Variants in SGCZ observed in about 807,000 individuals in gnomAD.
SGCZ encodes sarcoglycan zeta, also known as zeta-sarcoglycan.
Under a neutral mutation model 41.3 loss-of-function variants are expected in SGCZ, and 40 were observed. The ratio of observed to expected loss-of-function variants is 0.97; its 90% confidence interval spans 0.75 to 1.26. SGCZ has a LOEUF of 1.26. Ranked by LOEUF, SGCZ falls within the 50% of genes most tolerant of loss-of-function variation. The pLI is 0.00. For missense variants in SGCZ, 552 were observed against 369.8 expected (o/e 1.49, Z -4.04); for synonymous variants, 206 against 137.5 (o/e 1.50, Z -3.49).
chr8:14,103,986 G>A (rs867448852), intron 6 of SGCZ, among the ~76,000 whole-genome samples: 1 of 152,122 alleles, frequency 6.6e-6, no homozygotes, highest in Admixed American at 6.6e-5. Context: ...TAGCAACACA[G>A]TATCAACAAT....
chr8:14,928,385 C>A (rs1432819800), intron 1 of SGCZ, among the ~76,000 whole-genome samples: 1 of 152,026 alleles, frequency 6.6e-6, no homozygotes, highest in Non-Finnish European at 1.5e-5. Flanking sequence ...TTCTTACATT[C>A]TACAGAGTTC....
chr8:15,133,339 A>G (rs1387709184), intron 1 of SGCZ, among the ~76,000 whole-genome samples: 1 of 152,170 alleles, frequency 6.6e-6, no homozygotes, highest in East Asian at 1.9e-4. Flanking sequence ...ACTTGTTTTC[A>G]TAAGTCCAAA....
intron 1 of SGCZ, among the ~76,000 whole-genome samples, chr8:14,909,743 A>C (rs1337694455): frequency 1.3e-5 from 2 of 152,218 alleles, no homozygotes; most frequent in Admixed American, 6.5e-5. Flanking sequence ...ATGTTTATTC[A>C]GCTATTTAAA....
At chr8:14,568,734 A>G (rs1804459455) in intron 1 of SGCZ, among the ~76,000 whole-genome samples, 3 of 152,192 alleles carry the variant, frequency 2.0e-5, no homozygotes, top group African/African-American at 7.2e-5. Flanking sequence ...TTAAAGTTAA[A>G]TTGATTTTCA....
intron 1 of SGCZ, among the ~76,000 whole-genome samples, chr8:15,019,154 G>C (rs1585479315): frequency 6.6e-6 from 1 of 152,190 alleles, no homozygotes; most frequent in Non-Finnish European, 1.5e-5. Context: ...GATTTGGGCA[G>C]GGAAACAGAT....
chr8:14,488,978 A>G (rs1341933133), intron 2 of SGCZ, among the ~76,000 whole-genome samples: 1 of 146,394 alleles, frequency 6.8e-6, no homozygotes, highest in Non-Finnish European at 1.5e-5. Flanking sequence ...CCAATTATAT[A>G]TATATAGATA....
At chr8:14,300,595 G>T (rs1025511880) in intron 3 of SGCZ, among the ~76,000 whole-genome samples, 7 of 151,904 alleles carry the variant, frequency 4.6e-5, no homozygotes, top group Non-Finnish European at 7.4e-5. Context: ...CATGACATAG[G>T]TATGGAAAGG....
intron 1 of SGCZ, among the ~76,000 whole-genome samples, chr8:14,732,946 G>T (rs951475396): frequency 2.6e-5 from 4 of 151,806 alleles, no homozygotes; most frequent in Admixed American, 6.6e-5. Flanking sequence ...AATAAGATTC[G>T]CATTGATTAT....
intron 4 of SGCZ, among the ~76,000 whole-genome samples, chr8:14,170,711 C>CT: frequency 6.6e-6 from 1 of 152,132 alleles, no homozygotes; most frequent in South Asian, 2.1e-4. Context: ...GTAGCTAGAA[C>CT]AAAGTTGACG....
At chr8:14,285,240 G>A (rs931918472) in intron 3 of SGCZ, among the ~76,000 whole-genome samples, 4 of 152,004 alleles carry the variant, frequency 2.6e-5, no homozygotes, top group East Asian at 1.9e-4. Flanking sequence ...TTCTTCTGGA[G>A]GCTTCAGAGC....
At chr8:14,746,878 G>C (rs1018610964) in intron 1 of SGCZ, among the ~76,000 whole-genome samples, 2 of 152,086 alleles carry the variant, frequency 1.3e-5, no homozygotes, top group African/African-American at 2.4e-5. Flanking sequence ...TCTTTCAACT[G>C]TATGTCCTAC....
chr8:15,113,855 C>G, intron 1 of SGCZ, among the ~76,000 whole-genome samples: 1 of 152,192 alleles, frequency 6.6e-6, no homozygotes, highest in Non-Finnish European at 1.5e-5. Context: ...ATTCCTTCTT[C>G]CTTATAAGTT....
chr8:14,893,610 T>A (rs1367030023), intron 1 of SGCZ, among the ~76,000 whole-genome samples: 2 of 152,184 alleles, frequency 1.3e-5, no homozygotes, highest in Non-Finnish European at 2.9e-5. Flanking sequence ...TTTAGGAATT[T>A]CTCATAAAGC....
chr8:15,039,481 G>A (rs1803996317), intron 1 of SGCZ, among the ~76,000 whole-genome samples: 1 of 152,086 alleles, frequency 6.6e-6, no homozygotes, highest in African/African-American at 2.4e-5. Context: ...CAGTGGGTGG[G>A]GTTGGGAAAA....
At chr8:14,933,811 T>G (rs908514662) in intron 1 of SGCZ, among the ~76,000 whole-genome samples, 1 of 152,056 alleles carries the variant, frequency 6.6e-6, no homozygotes, top group African/African-American at 2.4e-5. Context: ...CTATGGCTAA[T>G]ATCTAGTCTA....
intron 1 of SGCZ, among the ~76,000 whole-genome samples, chr8:15,068,537 G>T (rs1007016987): frequency 6.6e-6 from 1 of 152,126 alleles, no homozygotes; most frequent in East Asian, 1.9e-4. Context: ...GATGTTCACA[G>T]AAGTTCAATA....
rs554839486 is a variant in SGCZ at position 14,922,800 on chromosome 8, C to A, written c.39+314785G>T. On this transcript the variant is annotated intron_variant, in intron 1 of 7. Transcript: ENST00000382080. ...AATATATACATATTAGAGATGGAGA[C>A]CAAAACAAATGTTACCATAAAAGGA... 7.2e-5 allele frequency among the ~76,000 whole-genome samples: 11 copies of A among 152,106 alleles called. No homozygotes were observed. In the East Asian group the frequency reaches 2.1e-3, roughly 29 times the overall value.
chr8:15,100,038 G>C (rs1045962686), intron 1 of SGCZ, among the ~76,000 whole-genome samples: 2 of 151,962 alleles, frequency 1.3e-5, no homozygotes, highest in Admixed American at 6.6e-5. Flanking sequence ...TCCCAAAACA[G>C]TAACAAAACA....
intron 1 of SGCZ, among the ~76,000 whole-genome samples, chr8:15,183,097 G>C (rs1800225927): frequency 6.6e-6 from 1 of 152,172 alleles, no homozygotes; most frequent in African/African-American, 2.4e-5. Context: ...CATCTCCTAG[G>C]ATAACAATGC....
Sources: allele counts gnomAD v4.1 joint callset (sites outside exome capture counted in the v4.1 genomes callset), GRCh38; gene constraint gnomAD v4.1.1; transcripts MANE v1.5; gene names NCBI Gene and HGNC (gene_info 2026-07-23, HGNC 2026-07-21).